Variants in TTBK2 observed in about 807,000 individuals in gnomAD.
TTBK2 encodes the protein tau-tubulin kinase 2.
A neutral mutation model predicts 110.8 loss-of-function variants in TTBK2; 28 were observed. The observed-to-expected ratio is 0.25, with a 90% CI of 0.19 to 0.35. The LOEUF (loss-of-function observed/expected upper bound fraction) is 0.35. TTBK2 is among the 10% of genes least tolerant of loss of function. The pLI is 1.00. For missense variants in TTBK2, 1,369 were observed against 1,500.3 expected, an observed-to-expected ratio of 0.91 and a Z score of 1.45; for synonymous variants, 532 against 527.3, an observed-to-expected ratio of 1.01 and a Z score of -0.12.
intron 7 of TTBK2, among the ~76,000 whole-genome samples, chr15:42,813,053 T>C (rs969998798): frequency 2.7e-5 from 4 of 150,078 alleles, no homozygotes; most frequent in Admixed American, 2.0e-4. Flanking sequence ...AAAAAGAGTA[T>C]AAAGAGAAAG....
chr15:42,919,166 A>G (rs890788270), intron 1 of TTBK2, among the ~76,000 whole-genome samples: 1 of 152,226 alleles, frequency 6.6e-6, no homozygotes, highest in African/African-American at 2.4e-5. Context: ...CAATGTTTTC[A>G]ATTTGCATAG....
intron 3 of TTBK2, among the ~76,000 whole-genome samples, chr15:42,863,959 G>C (rs1317111165): frequency 6.6e-6 from 1 of 152,124 alleles, no homozygotes; most frequent in Non-Finnish European, 1.5e-5. Flanking sequence ...TTAAATGTAA[G>C]CCTTCAAAGT....
intron 10 of TTBK2, among the ~76,000 whole-genome samples, chr15:42,788,079 G>A (rs902619582): frequency 2.0e-5 from 3 of 152,008 alleles, no homozygotes; most frequent in Non-Finnish European, 2.9e-5. Flanking sequence ...AAAAGGTAGA[G>A]TAAAACTACA....
At chr15:42,774,304 G>A (rs957369357) in intron 13 of TTBK2, among the ~76,000 whole-genome samples, 2 of 152,100 alleles carry the variant, frequency 1.3e-5, no homozygotes, top group African/African-American at 2.4e-5. Context: ...ATGTACCTGT[G>A]GGTGCCTAAG....
intron 5 of TTBK2, among the ~76,000 whole-genome samples, chr15:42,828,913 A>C (rs1331011548): frequency 6.6e-6 from 1 of 152,120 alleles, no homozygotes; most frequent in Non-Finnish European, 1.5e-5. Context: ...AAGTAAGAGG[A>C]CTTGTGACGG....
At chr15:42,868,171 G>A (rs1894459478) in intron 3 of TTBK2, among the ~76,000 whole-genome samples, 1 of 152,182 alleles carries the variant, frequency 6.6e-6, no homozygotes, top group Non-Finnish European at 1.5e-5. Flanking sequence ...AATAGAGAGA[G>A]ATGGTTCCTG....
chr15:42,773,766 G>A (rs1051046328), intron 13 of TTBK2, among the ~76,000 whole-genome samples: 1 of 152,146 alleles, frequency 6.6e-6, no homozygotes, highest in African/African-American at 2.4e-5. Context: ...TGGAAAGAGT[G>A]GATGAATGGA....
intron 1 of TTBK2, among the ~76,000 whole-genome samples, chr15:42,891,866 T>C (rs1336858603): frequency 6.6e-6 from 1 of 152,222 alleles, no homozygotes; most frequent in East Asian, 1.9e-4. Context: ...GGCAGCTTTG[T>C]GGGACTGAGC....
chr15:42,894,016 GTCATGGGAGGGA>G (rs1200572185), intron 1 of TTBK2, among the ~76,000 whole-genome samples: 7 of 152,122 alleles, frequency 4.6e-5, no homozygotes. Context: ...TCCCCCACAT[GTCATGGGAGGGA>G]TCTAGTGGGA....
intron 13 of TTBK2, among the ~76,000 whole-genome samples, chr15:42,761,296 C>G (rs2062021691): frequency 6.6e-6 from 1 of 152,136 alleles, no homozygotes; most frequent in Non-Finnish European, 1.5e-5. Flanking sequence ...AATAAGACCT[C>G]AAAAGCACAG....
intron 1 of TTBK2, among the ~76,000 whole-genome samples, chr15:42,889,986 C>T (rs1291071014): frequency 1.3e-5 from 2 of 152,180 alleles, no homozygotes; most frequent in African/African-American, 4.8e-5. Flanking sequence ...CCAAGCTATG[C>T]CACCATATCT....
intron 13 of TTBK2, among the ~76,000 whole-genome samples, chr15:42,767,361 C>T (rs745866995): frequency 1.1e-4 from 16 of 151,852 alleles, no homozygotes; most frequent in Admixed American, 2.0e-4. Flanking sequence ...ATTGAAAGAC[C>T]GCTAGCAAGA....
chr15:42,864,339 C>A (rs1388677884), intron 3 of TTBK2, among the ~76,000 whole-genome samples: 3 of 152,176 alleles, frequency 2.0e-5, no homozygotes, highest in Non-Finnish European at 2.9e-5. Context: ...AATCCCAGCA[C>A]TTTGGGAGGC....
chr15:42,859,598 C>T (rs1156515689), intron 3 of TTBK2, among the ~76,000 whole-genome samples: 34 of 152,136 alleles, frequency 2.2e-4, no homozygotes, highest in Admixed American at 2.2e-3. Context: ...AATGCCTCCC[C>T]TCTCTCCACC....
At chr15:42,777,298 G>C (rs1595899127) in intron 11 of TTBK2, 56 bp from the exon 12 acceptor site, 1 of 1,534,306 alleles carries the variant, frequency 6.5e-7, no homozygotes, top group South Asian at 1.1e-5. Context: ...ACACATGAGA[G>C]GAATCATTGA....
chr15:42,853,736 A>G (rs546626784), intron 3 of TTBK2, among the ~76,000 whole-genome samples: 2 of 152,134 alleles, frequency 1.3e-5, no homozygotes, highest in Non-Finnish European at 2.9e-5. Flanking sequence ...GCGAACACAC[A>G]TAAGAATAAA....
chr15:42,872,387 T>C (rs1894648852), intron 3 of TTBK2, among the ~76,000 whole-genome samples: 1 of 152,196 alleles, frequency 6.6e-6, no homozygotes, highest in African/African-American at 2.4e-5. Context: ...CCTTACTCCA[T>C]GAAAAAGAAC....
intron 13 of TTBK2, among the ~76,000 whole-genome samples, chr15:42,764,781 C>T (rs1428653702): frequency 6.6e-6 from 1 of 152,210 alleles, no homozygotes; most frequent in Non-Finnish European, 1.5e-5. Flanking sequence ...AGTTTGAGCT[C>T]GGAGAATGGA....
chr15:42,847,545 A>G (rs914506670), intron 3 of TTBK2, among the ~76,000 whole-genome samples: 8 of 152,226 alleles, frequency 5.3e-5, no homozygotes, highest in African/African-American at 1.9e-4. Context: ...TAAAAGTTAC[A>G]CAGCTTTATA....
Sources: gnomAD v4.1 joint callset for allele counts (sites outside exome capture counted in the v4.1 genomes callset) on GRCh38, gnomAD v4.1.1 for gene constraint, MANE v1.5 for transcripts, NCBI Gene and HGNC (gene_info 2026-07-23, HGNC 2026-07-21) for gene names.